The following BBS9 variants were observed in gnomAD, a reference collection of about 807,000 sequenced individuals.
The protein encoded by BBS9 is protein PTHB1.
In BBS9, 89 loss-of-function variants were observed where a neutral mutation model predicts 117.7. The observed-to-expected ratio is 0.76, with a 90% confidence interval of 0.64 to 0.90. The LOEUF (loss-of-function observed/expected upper bound fraction) is 0.90, where lower values mean the gene tolerates loss of function less well. Ranked by LOEUF, BBS9 falls within the 40% of genes least tolerant of loss-of-function variation. The pLI is 0.00. For synonymous variants in BBS9, 379 were observed against 370.9 expected, an observed-to-expected ratio of 1.02 and a Z score of -0.25; for missense variants, 982 against 1,042.2, an observed-to-expected ratio of 0.94 and a Z score of 0.80.
At chr7:33,542,732 T>TAC (rs1852553418) in intron 21 of BBS9, among the ~76,000 whole-genome samples, 1 of 148,052 alleles carries the variant, frequency 6.8e-6, no homozygotes, top group Non-Finnish European at 1.5e-5. Context: ...TGTGTGTGTG[T>TAC]ATATGTGTGT....
At chr7:33,418,862 G>T (rs985329290) in intron 19 of BBS9, among the ~76,000 whole-genome samples, 1 of 152,166 alleles carries the variant, frequency 6.6e-6, no homozygotes, top group Non-Finnish European at 1.5e-5. Flanking sequence ...CCAATCAGAT[G>T]GCAGAACCCA....
intron 9 of BBS9, among the ~76,000 whole-genome samples, chr7:33,308,136 G>A (rs1271836156): frequency 1.3e-5 from 2 of 152,160 alleles, no homozygotes; most frequent in East Asian, 3.8e-4. Flanking sequence ...TTGTTAGTTT[G>A]ATATTCTCAG....
chr7:33,419,328 A>G (rs1386135626), intron 19 of BBS9, among the ~76,000 whole-genome samples: 2 of 152,134 alleles, frequency 1.3e-5, no homozygotes, highest in Non-Finnish European at 2.9e-5. Flanking sequence ...ACCTTTTTTG[A>G]TGAAAATATA....
At chr7:33,427,093 G>A (rs1220916881) in intron 19 of BBS9, among the ~76,000 whole-genome samples, 4 of 152,126 alleles carry the variant, frequency 2.6e-5, no homozygotes, top group Non-Finnish European at 5.9e-5. Flanking sequence ...CAACCCCTCC[G>A]CATGTGCAGA....
intron 20 of BBS9, among the ~76,000 whole-genome samples, chr7:33,528,910 T>A (rs1850116191): frequency 6.6e-6 from 1 of 152,244 alleles, no homozygotes; most frequent in Admixed American, 6.5e-5. Flanking sequence ...ACTTTACAAG[T>A]GTGGTCAAAC....
intron 17 of BBS9, among the ~76,000 whole-genome samples, chr7:33,372,735 G>C (rs1372334502): frequency 6.6e-6 from 1 of 152,086 alleles, no homozygotes; most frequent in Non-Finnish European, 1.5e-5. Context: ...ATTGTTATTA[G>C]TTCTTCTTTA....
chr7:33,620,112 G>A (rs562227424), intron 21 of BBS9, among the ~76,000 whole-genome samples: 13 of 151,894 alleles, frequency 8.6e-5, no homozygotes, highest in Non-Finnish European at 1.5e-4. Context: ...AAGAAAAAAA[G>A]AAGATGCAAA....
In BBS9 at chr7:33,307,076, A is replaced by G. The variant is rs141963651; in HGVS notation, c.1017-29365A>G. ...AAAGCAAGAACACAAAGCAATTTGA[A>G]TCACAATTCACTGGTAAATGCAATA... On this transcript the variant is annotated intron_variant, in intron 9 of 22. Transcript: ENST00000242067. Among the ~76,000 whole-genome samples, 423 of 152,322 alleles carry G rather than the reference A, an allele frequency of 2.8e-3. 1 individual carries two copies. Among genetic ancestry groups the G allele is most frequent in the African/African-American group, 9.9e-3 (411 of 41,590 alleles).
chr7:33,309,830 A>G (rs572494744), intron 9 of BBS9, among the ~76,000 whole-genome samples: 50 of 152,228 alleles, frequency 3.3e-4, no homozygotes, highest in Non-Finnish European at 5.0e-4. Context: ...CAGAATTAGT[A>G]GCTAATATAG....
At chr7:33,515,338 G>A (rs6966393) in intron 20 of BBS9, among the ~76,000 whole-genome samples, 73,172 of 151,938 alleles carry the variant, frequency 0.48, 17,892 homozygotes, top group African/African-American at 0.57. Flanking sequence ...CTAAATCATG[G>A]CAAGTCATTA....
intron 19 of BBS9, among the ~76,000 whole-genome samples, chr7:33,465,652 C>T (rs1840056896): frequency 6.6e-6 from 1 of 152,080 alleles, no homozygotes; most frequent in Non-Finnish European, 1.5e-5. Flanking sequence ...GGACATGTTA[C>T]TGCCTATATC....
At chr7:33,426,380 T>C (rs1833662016) in intron 19 of BBS9, among the ~76,000 whole-genome samples, 1 of 152,214 alleles carries the variant, frequency 6.6e-6, no homozygotes, top group Non-Finnish European at 1.5e-5. Flanking sequence ...AATAACTTAA[T>C]GCTTTTAAAG....
intron 21 of BBS9, among the ~76,000 whole-genome samples, chr7:33,555,162 T>C (rs1180373677): frequency 1.3e-5 from 2 of 152,238 alleles, no homozygotes; most frequent in Non-Finnish European, 2.9e-5. Flanking sequence ...GAAAGAGCAC[T>C]GCCCCATCTT....
intron 16 of BBS9, among the ~76,000 whole-genome samples, chr7:33,358,421 A>G (rs10486530): frequency 0.17 from 25,380 of 151,670 alleles, 2,383 homozygotes; most frequent in South Asian, 0.21. Context: ...ATGTCTCTGA[A>G]AAGTAATCTT....
At chr7:33,333,651 T>C (rs1814638878) in intron 9 of BBS9, among the ~76,000 whole-genome samples, 1 of 151,756 alleles carries the variant, frequency 6.6e-6, no homozygotes, top group Non-Finnish European at 1.5e-5. Flanking sequence ...AGTCTTGCTG[T>C]GTTGCCCAGG....
rs112188880 is a variant in BBS9 at position 33,575,464 on chromosome 7, A to G, written c.2522-29401A>G. 7.8e-3 allele frequency among the ~76,000 whole-genome samples: 1,184 copies of G among 152,254 alleles called. 12 individuals are homozygous for G. Among genetic ancestry groups the G allele is most frequent in the Non-Finnish European group, 0.014 (936 of 68,000 alleles). On this transcript the variant is annotated intron_variant, in intron 21 of 22. Coordinates refer to ENST00000242067, the MANE Select transcript of BBS9 (RefSeq NM_198428.3). ...CCAGGACCAGATGGATTCACGGCCA[A>G]TTTCTACCAGAGGTACAGAAAGGAG...
chr7:33,510,859 C>A (rs576308061), intron 20 of BBS9, among the ~76,000 whole-genome samples: 1 of 152,314 alleles, frequency 6.6e-6, no homozygotes, highest in Admixed American at 6.5e-5. Context: ...GAGTTGACCA[C>A]CTCAGCACAT....
At chr7:33,562,263 A>G (rs553863214) in intron 21 of BBS9, among the ~76,000 whole-genome samples, 2 of 152,370 alleles carry the variant, frequency 1.3e-5, no homozygotes, top group South Asian at 4.1e-4. Context: ...TCTCTGTGGT[A>G]TATACAACAA....
intron 19 of BBS9, among the ~76,000 whole-genome samples, chr7:33,502,157 C>T (rs1845545344): frequency 6.6e-6 from 1 of 152,176 alleles, no homozygotes; most frequent in South Asian, 2.1e-4. Flanking sequence ...ATCTGCCCGC[C>T]TCGGCCTCCC....
Sources: allele counts gnomAD v4.1 joint callset (sites outside exome capture counted in the v4.1 genomes callset), GRCh38; gene constraint gnomAD v4.1.1; transcripts MANE v1.5; gene names NCBI Gene and HGNC (gene_info 2026-07-23, HGNC 2026-07-21).